Variants in FBXO34 observed in about 807,000 individuals in gnomAD.
The protein encoded by FBXO34 is F-box protein 34.
FBXO34 carries 12 observed loss-of-function variants against 24.5 expected under a neutral mutation model. The ratio of observed to expected loss-of-function variants is 0.49; its 90% confidence interval spans 0.31 to 0.79. The LOEUF is 0.79. Among genes scored for constraint, FBXO34 ranks in the 30% least tolerant of loss-of-function variants. The probability of loss-of-function intolerance (pLI) is 0.04; values close to 1 mark genes in which losing one functional copy is unlikely to be tolerated. For missense variants in FBXO34, 823 were observed against 857.7 expected (o/e 0.96, Z 0.51); for synonymous variants, 320 against 311.9 (o/e 1.03, Z -0.27).
the FBXO34 span, among the ~76,000 whole-genome samples, chr14:55,383,799 A>T: frequency 6.6e-6 from 1 of 152,296 alleles, no homozygotes; most frequent in Admixed American, 6.5e-5. Flanking sequence ...AAGTCACAGC[A>T]GGTACAAATG....
At chr14:55,333,486 G>A (rs1883668200) in intron 1 of FBXO34, among the ~76,000 whole-genome samples, 1 of 152,156 alleles carries the variant, frequency 6.6e-6, no homozygotes, top group Non-Finnish European at 1.5e-5. Context: ...AACCAGGGAA[G>A]TGAGTTTCCT....
the FBXO34 span, among the ~76,000 whole-genome samples, chr14:55,397,683 C>T: frequency 6.6e-6 from 1 of 152,142 alleles, no homozygotes; most frequent in Non-Finnish European, 1.5e-5. Flanking sequence ...ATATCTTCCG[C>T]CCAGATTAAA....
chr14:55,323,172 G>A (rs1248780796), intron 1 of FBXO34, among the ~76,000 whole-genome samples: 1 of 76,926 alleles, frequency 1.3e-5, no homozygotes. Context: ...GCGACAGAGT[G>A]AGACTCTGTC....
chr14:55,369,540 TA>T, downstream of FBXO34: 1 of 1,308,890 alleles, frequency 7.6e-7, no homozygotes, highest in Non-Finnish European at 1.0e-6. Flanking sequence ...TATCTTAACT[TA>T]AACAGAAAAT....
chr14:55,423,633 A>G, the FBXO34 span, among the ~76,000 whole-genome samples: 1 of 152,216 alleles, frequency 6.6e-6, no homozygotes, highest in Non-Finnish European at 1.5e-5. Context: ...GCAGTTGGGG[A>G]AAAAATATTA....
chr14:55,297,320 A>G (rs762272751), intron 1 of FBXO34, among the ~76,000 whole-genome samples: 2 of 152,168 alleles, frequency 1.3e-5, no homozygotes. Context: ...GAGTAGTTCA[A>G]ATGTTGCAGT....
chr14:55,282,078 T>C (rs1195585145), intron 1 of FBXO34, among the ~76,000 whole-genome samples: 1 of 138,674 alleles, frequency 7.2e-6, no homozygotes, highest in Non-Finnish European at 1.5e-5. Flanking sequence ...CTCTCTGCAA[T>C]CTCCGCCTCC....
At chr14:55,409,058 G>A in the FBXO34 span, among the ~76,000 whole-genome samples, 1 of 152,336 alleles carries the variant, frequency 6.6e-6, no homozygotes, top group South Asian at 2.1e-4. Context: ...AGGAAGAGTT[G>A]TCTGACTAAA....
At chr14:55,385,967 G>T in the FBXO34 span, 2 of 1,614,116 alleles carry the variant, frequency 1.2e-6, no homozygotes, top group Non-Finnish European at 8.5e-7. Flanking sequence ...TAAGTCAATG[G>T]TCTTTTTTTC....
the FBXO34 span, among the ~76,000 whole-genome samples, chr14:55,433,309 CTTT>C: frequency 6.4e-3 from 769 of 119,872 alleles, 5 homozygotes; most frequent in Middle Eastern, 0.017. Flanking sequence ...TTAGATTTCT[CTTT>C]TTTTTTTTTT....
the FBXO34 span, among the ~76,000 whole-genome samples, chr14:55,425,817 T>A: frequency 3.3e-5 from 5 of 152,240 alleles, no homozygotes; most frequent in African/African-American, 1.2e-4. Flanking sequence ...ATTACTGTCA[T>A]TGACTTGTCC....
chr14:55,391,795 G>T, the FBXO34 span, among the ~76,000 whole-genome samples: 2 of 152,136 alleles, frequency 1.3e-5, no homozygotes, highest in African/African-American at 4.8e-5. Flanking sequence ...TCTAGTTCTG[G>T]TTACTGAGGA....
chr14:55,394,530 G>A, the FBXO34 span, among the ~76,000 whole-genome samples: 4 of 152,040 alleles, frequency 2.6e-5, no homozygotes, highest in Non-Finnish European at 2.9e-5. Context: ...AAGCTGTTAC[G>A]CATGTCCCAC....
At chr14:55,362,715 C>T (rs946353822), downstream of FBXO34, among the ~76,000 whole-genome samples, 24 of 152,304 alleles carry the variant, frequency 1.6e-4, no homozygotes, top group African/African-American at 5.1e-4. Flanking sequence ...CTGCTCCTAT[C>T]GTTCTTTCAT....
chr14:55,298,906 A>G (rs1334687873), intron 1 of FBXO34: 30 of 1,586,542 alleles, frequency 1.9e-5, no homozygotes, highest in South Asian at 1.4e-4. Context: ...GAGAATGCCA[A>G]CACCAATACC....
chr14:55,306,831 T>TCACAACAAAA (rs1882563778), intron 1 of FBXO34, among the ~76,000 whole-genome samples: 1 of 151,006 alleles, frequency 6.6e-6, no homozygotes, highest in Non-Finnish European at 1.5e-5. Flanking sequence ...AGACTCCATC[T>TCACAACAAAA]CAAAACAAAA....
At chr14:55,391,311 T>TA in the FBXO34 span, 10 of 179,094 alleles carry the variant, frequency 5.6e-5, no homozygotes, top group Non-Finnish European at 9.3e-5. Flanking sequence ...CCATCTCTAC[T>TA]AAAAAAATAC....
At chr14:55,430,311 G>T in the FBXO34 span, among the ~76,000 whole-genome samples, 1 of 146,906 alleles carries the variant, frequency 6.8e-6, no homozygotes, top group South Asian at 2.1e-4. Flanking sequence ...CTCTTATCCA[G>T]ATCCTTCACC....
intron 1 of FBXO34, among the ~76,000 whole-genome samples, chr14:55,307,419 G>T (rs1353986138): frequency 1.3e-5 from 2 of 152,224 alleles, no homozygotes; most frequent in Non-Finnish European, 2.9e-5. Context: ...CCTTGCTGCT[G>T]TTGGCATTTT....
Sources: gnomAD v4.1 joint callset for allele counts (sites outside exome capture counted in the v4.1 genomes callset) on GRCh38, gnomAD v4.1.1 for gene constraint, MANE v1.5 for transcripts, NCBI Gene and HGNC (gene_info 2026-07-23, HGNC 2026-07-21) for gene names.